FAM153A: variants seen among roughly 807,000 people sequenced by gnomAD.
FAM153A encodes protein FAM153A.
FAM153A carries 12 observed loss-of-function variants against 48.1 expected under a neutral mutation model. The observed-to-expected ratio is 0.25, with a 90% confidence interval of 0.16 to 0.40. The LOEUF is 0.40. FAM153A is among the 10% of genes least tolerant of loss of function. FAM153A has a pLI of 1.00. For synonymous variants in FAM153A, 36 were observed against 118.2 expected, an observed-to-expected ratio of 0.30 and a Z score of 4.51; for missense variants, 111 against 345.8, an observed-to-expected ratio of 0.32 and a Z score of 5.38.
At chr5:177,746,208 G>A (rs934516446) in intron 4 of FAM153A, among the ~76,000 whole-genome samples, 22 of 151,066 alleles carry the variant, frequency 1.5e-4, no homozygotes, top group Admixed American at 3.9e-4. Flanking sequence ...TGTGGTGGAC[G>A]ATGAATGGGT....
chr5:177,694,889 C>A, the FAM153A span, among the ~76,000 whole-genome samples: 1 of 151,316 alleles, frequency 6.6e-6, no homozygotes, highest in African/African-American at 2.4e-5. Context: ...AATCCAGGGT[C>A]ACAGGATTAT....
At chr5:177,710,114 C>CTTT (rs544809781), downstream of FAM153A, among the ~76,000 whole-genome samples, 1 of 141,354 alleles carries the variant, frequency 7.1e-6, no homozygotes, top group African/African-American at 2.7e-5. Context: ...TGTTTAATAC[C>CTTT]TTTTTTTTTT....
At chr5:177,763,847 A>G (rs1768501102) in intron 1 of FAM153A, among the ~76,000 whole-genome samples, 1 of 150,808 alleles carries the variant, frequency 6.6e-6, no homozygotes, top group Admixed American at 6.6e-5. Flanking sequence ...CACTGAGGAC[A>G]AGGACTAACA....
the FAM153A span, among the ~76,000 whole-genome samples, chr5:177,696,003 G>T: frequency 2.5e-3 from 330 of 134,648 alleles, 1 homozygote; most frequent in Non-Finnish European, 3.8e-3. Context: ...TGGCGGCTGG[G>T]CAGAGGCACT....
intron 1 of FAM153A, among the ~76,000 whole-genome samples, chr5:177,779,002 A>G (rs1012003604): frequency 4.4e-5 from 6 of 135,950 alleles, no homozygotes; most frequent in Non-Finnish European, 7.9e-5. Context: ...AATAATGATA[A>G]TAAATTAATT....
downstream of FAM153A, among the ~76,000 whole-genome samples, chr5:177,719,364 T>C (rs1229322885): frequency 1.4e-5 from 2 of 143,988 alleles, no homozygotes; most frequent in Non-Finnish European, 3.0e-5. Flanking sequence ...CTTCAGAAAA[T>C]GGTGTGGCAA....
upstream of FAM153A, chr5:177,781,619 G>T (rs1334050071): frequency 1.7e-5 from 1 of 57,880 alleles, no homozygotes; most frequent in African/African-American, 6.6e-5. Flanking sequence ...AGAACCTTCA[G>T]TAAAGAACCG....
rs1224404751 is a variant in FAM153A at position 177,769,861 on chromosome 5, C to T, written c.-57+10588G>A. Among the ~76,000 whole-genome samples, 10 of 97,076 alleles carry T rather than the reference C, an allele frequency of 1.0e-4. 3 individuals carry two copies. The Admixed American group carries it at 1.1e-3, about 10-fold the overall frequency. The allele number at this position is 97,076 out of a possible 152,430, so 63.7% of individuals were successfully genotyped here. On this transcript the variant is annotated intron_variant, in intron 1 of 8. Coordinates refer to the FAM153A transcript ENST00000393518. ...ATTCAGAGAGAAGCTTAAGAAACAC[C>T]GGCGTGGTGTGCCAGGCTGCCAGGC... is the stretch of plus-strand genomic sequence containing the variant.
the FAM153A span, among the ~76,000 whole-genome samples, chr5:177,696,976 A>G: frequency 1.4e-4 from 22 of 151,914 alleles, no homozygotes; most frequent in Admixed American, 4.6e-4. Context: ...TAATTCCTGC[A>G]AAAAAGGCAG....
At chr5:177,753,821 C>G, upstream of FAM153A, among the ~76,000 whole-genome samples, 1 of 151,678 alleles carries the variant, frequency 6.6e-6, no homozygotes, top group East Asian at 1.9e-4. Context: ...TCAAATGGGT[C>G]ATTAATGAGG....
chr5:177,721,530 CT>C (rs1020880683), downstream of FAM153A, among the ~76,000 whole-genome samples: 3 of 111,976 alleles, frequency 2.7e-5, no homozygotes, highest in African/African-American at 1.0e-4. Context: ...ATAAACTTTT[CT>C]TTTTTAAGAC....
exon 2 of FAM153A, chr5:177,751,008 C>T: frequency 1.3e-6 from 1 of 745,592 alleles, no homozygotes; most frequent in Non-Finnish European, 2.2e-6. Flanking sequence ...ACGGTGGATT[C>T]CCCTGGCATC....
intron 1 of FAM153A, 61 bp downstream of exon 4, chr5:177,763,253 GCTA>G: frequency 1.1e-5 from 1 of 89,284 alleles, no homozygotes; most frequent in African/African-American, 4.1e-5. Flanking sequence ...GAACACCAGG[GCTA>G]GGCTCAATGG....
At chr5:177,766,008 T>A (rs1191396424) in intron 1 of FAM153A, among the ~76,000 whole-genome samples, 1 of 106,926 alleles carries the variant, frequency 9.4e-6, no homozygotes, top group Non-Finnish European at 2.1e-5. Context: ...TCCCAGCTAC[T>A]CAGGAGGCTG....
chr5:177,751,509 C>T lies in FAM153A; in HGVS notation c.32-457G>A, dbSNP rs1423193309. 3.5e-5 allele frequency among the ~76,000 whole-genome samples: 4 copies of T among 112,958 alleles called. No individual in the cohort carries two copies. The East Asian group carries it at 1.1e-3, about 31-fold the overall frequency. The allele number at this position is 112,958 out of a possible 152,430, so 74.1% of individuals were successfully genotyped here. On this transcript the variant is annotated intron_variant, in intron 1 of 20. Transcript: ENST00000614127. ...TTCATGTCTGGAAGAATAAGCCAGGCCCTTGGTAGTGGTTAATAGAGAAGC... is the reference window on the plus strand; with the variant it reads ...TTCATGTCTGGAAGAATAAGCCAGGTCCTTGGTAGTGGTTAATAGAGAAGC...
chr5:177,752,875 T>C (rs192517021), intron 1 of FAM153A, among the ~76,000 whole-genome samples: 989 of 111,306 alleles, frequency 8.9e-3, no homozygotes, highest in African/African-American at 0.027. Flanking sequence ...TTGCTGTGAG[T>C]CATTATCACA....
At chr5:177,723,369 TA>T (rs1382874116) in exon 21 of FAM153A, 6 of 126,582 alleles carry the variant, frequency 4.7e-5, no homozygotes, top group Non-Finnish European at 6.9e-5. Flanking sequence ...ATGTGTACCT[TA>T]TTTCAAGATT....
upstream of FAM153A, among the ~76,000 whole-genome samples, chr5:177,755,036 T>C (rs924051553): frequency 2.6e-5 from 4 of 151,726 alleles, no homozygotes; most frequent in Admixed American, 6.6e-5. Flanking sequence ...CAAACTTCTC[T>C]GAGCTAAAGG....
At chr5:177,754,731 G>A (rs867149253), upstream of FAM153A, among the ~76,000 whole-genome samples, 1 of 151,890 alleles carries the variant, frequency 6.6e-6, no homozygotes, top group East Asian at 1.9e-4. Context: ...AACAAGGTCC[G>A]GAGTGGACCT....
Sources: allele counts gnomAD v4.1 joint callset (sites outside exome capture counted in the v4.1 genomes callset), GRCh38; gene constraint gnomAD v4.1.1; transcripts MANE v1.5; gene names NCBI Gene and HGNC (gene_info 2026-07-23, HGNC 2026-07-21).